The following ACVR2A variants were observed in gnomAD, a reference collection of about 807,000 sequenced individuals.
ACVR2A encodes activin receptor type-2A.
ACVR2A carries 7 observed loss-of-function variants against 61.4 expected under a neutral mutation model. That is an observed-to-expected ratio of 0.11 (90% CI 0.06 to 0.21). The LOEUF (loss-of-function observed/expected upper bound fraction) is 0.21. Among genes scored for constraint, ACVR2A ranks in the 10% least tolerant of loss-of-function variants. The pLI is 1.00. For synonymous variants in ACVR2A, 193 were observed against 208.3 expected, an observed-to-expected ratio of 0.93 and a Z score of 0.63; for missense variants, 322 against 621.7, an observed-to-expected ratio of 0.52 and a Z score of 5.13.
At chr2:147,924,695 G>A (rs1006553004) in intron 9 of ACVR2A, among the ~76,000 whole-genome samples, 3 of 151,878 alleles carry the variant, frequency 2.0e-5, no homozygotes, top group South Asian at 2.1e-4. Flanking sequence ...GTGCTTTCAC[G>A]TGTGTTGATG....
chr2:147,896,620 T>G (rs1686739234), intron 2 of ACVR2A, 112 bp downstream of exon 2: 2 of 1,012,668 alleles, frequency 2.0e-6, no homozygotes, highest in East Asian at 5.1e-5. Flanking sequence ...TTCTTGCTTT[T>G]TAAAAAATGG....
At chr2:147,845,450 T>C (rs1449998920) in intron 1 of ACVR2A, among the ~76,000 whole-genome samples, 1 of 150,648 alleles carries the variant, frequency 6.6e-6, no homozygotes, top group East Asian at 2.0e-4. Flanking sequence ...AGTGCTGTGT[T>C]GTTGTGGAAG....
chr2:147,912,334 T>A (rs936301890), intron 4 of ACVR2A, among the ~76,000 whole-genome samples: 1 of 152,008 alleles, frequency 6.6e-6, no homozygotes, highest in Non-Finnish European at 1.5e-5. Context: ...TTTGAATGCA[T>A]ATCTTTTTAG....
At chr2:147,907,171 C>T (rs150597671) in intron 4 of ACVR2A, among the ~76,000 whole-genome samples, 1 of 152,116 alleles carries the variant, frequency 6.6e-6, no homozygotes, top group East Asian at 1.9e-4. Flanking sequence ...GACATGATCT[C>T]ATTCCTTTTT....
chr2:147,878,752 A>T (rs980977398), intron 1 of ACVR2A, among the ~76,000 whole-genome samples: 1 of 151,984 alleles, frequency 6.6e-6, no homozygotes, highest in Non-Finnish European at 1.5e-5. Context: ...CTACAAAAAA[A>T]TACAAAAAAA....
chr2:147,887,521 C>T (rs1373272374), intron 1 of ACVR2A, among the ~76,000 whole-genome samples: 4 of 152,140 alleles, frequency 2.6e-5, no homozygotes, highest in South Asian at 2.1e-4. Context: ...TAAATAAAGA[C>T]GTGTCAGTTT....
intron 1 of ACVR2A, among the ~76,000 whole-genome samples, chr2:147,859,563 G>A (rs1203104122): frequency 1.3e-5 from 2 of 151,986 alleles, no homozygotes; most frequent in East Asian, 3.9e-4. Context: ...TGAAACTTCA[G>A]TTGTGTGTGT....
chr2:147,902,957 CTT>C (rs1686905582), intron 4 of ACVR2A: 1 of 151,914 alleles, frequency 6.6e-6, no homozygotes, highest in African/African-American at 2.4e-5. Flanking sequence ...CTTAGGGAGA[CTT>C]TTTCTCAAAG....
rs1687437093 is a variant in ACVR2A at position 147,923,628 on chromosome 2, T to G, written c.1216+517T>G. 2.0e-5 allele frequency among the ~76,000 whole-genome samples: 3 copies of G among 152,102 alleles called. No homozygotes were observed. The South Asian group carries it at 6.2e-4, about 32-fold the overall frequency. ...TATTTATTTATTTTTCTGGGTAAAT[T>G]TTCAGACGATATTTCCAGTGTGACA... On this transcript the variant is annotated intron_variant, in intron 9 of 10. Coordinates refer to ENST00000241416, the MANE Select transcript of ACVR2A (RefSeq NM_001616.5).
chr2:147,855,800 T>G (rs1237397631), intron 1 of ACVR2A, among the ~76,000 whole-genome samples: 1 of 152,194 alleles, frequency 6.6e-6, no homozygotes, highest in Non-Finnish European at 1.5e-5. Flanking sequence ...TGAATTTTTG[T>G]AACAAATTTC....
chr2:147,850,911 A>G (rs1397427219), intron 1 of ACVR2A, among the ~76,000 whole-genome samples: 1 of 152,118 alleles, frequency 6.6e-6, no homozygotes, highest in Non-Finnish European at 1.5e-5. Context: ...AGAGTGGTGG[A>G]CCTAAGGGAA....
At chr2:147,919,372 C>T (rs937799934) in intron 7 of ACVR2A, among the ~76,000 whole-genome samples, 12 of 152,142 alleles carry the variant, frequency 7.9e-5, no homozygotes, top group Admixed American at 4.6e-4. Flanking sequence ...CTATTGGCCT[C>T]GTCTTCGATT....
intron 1 of ACVR2A, among the ~76,000 whole-genome samples, chr2:147,855,502 G>A (rs2105137125): frequency 6.6e-6 from 1 of 152,286 alleles, no homozygotes; most frequent in Admixed American, 6.5e-5. Context: ...AAACATACTG[G>A]AAGAGTGTAG....
intron 4 of ACVR2A, among the ~76,000 whole-genome samples, chr2:147,907,021 C>G (rs11686483): frequency 6.6e-6 from 1 of 151,564 alleles, no homozygotes; most frequent in African/African-American, 2.4e-5. Flanking sequence ...CCCCAGTGTA[C>G]GTTGTTCACC....
intron 1 of ACVR2A, among the ~76,000 whole-genome samples, chr2:147,865,858 TGG>T (rs1227733545): frequency 6.6e-6 from 1 of 152,154 alleles, no homozygotes; most frequent in African/African-American, 2.4e-5. Context: ...TAGAGTCCCT[TGG>T]GATAGCAGAA....
chr2:147,862,457 C>T (rs932851352), intron 1 of ACVR2A, among the ~76,000 whole-genome samples: 2 of 152,016 alleles, frequency 1.3e-5, no homozygotes, highest in Non-Finnish European at 1.5e-5. Flanking sequence ...AAATTGTTTT[C>T]CTGGGCAGGG....
intron 6 of ACVR2A, among the ~76,000 whole-genome samples, chr2:147,917,792 G>T (rs957313222): frequency 3.3e-5 from 5 of 151,628 alleles, no homozygotes; most frequent in Non-Finnish European, 7.4e-5. Flanking sequence ...AATCAGTCTT[G>T]CTTGTGACAA....
intron 6 of ACVR2A, among the ~76,000 whole-genome samples, chr2:147,917,852 G>A (rs1251200792): frequency 6.6e-6 from 1 of 151,852 alleles, no homozygotes; most frequent in Non-Finnish European, 1.5e-5. Context: ...CTAACTTGCA[G>A]GGTAATTATC....
At chr2:147,846,304 C>G (rs1452448589) in intron 1 of ACVR2A, among the ~76,000 whole-genome samples, 1 of 150,040 alleles carries the variant, frequency 6.7e-6, no homozygotes. Context: ...GGCGAATTGA[C>G]AGGTTTCATG....
Sources: gnomAD v4.1 joint callset for allele counts (sites outside exome capture counted in the v4.1 genomes callset) on GRCh38, gnomAD v4.1.1 for gene constraint, MANE v1.5 for transcripts, NCBI Gene and HGNC (gene_info 2026-07-23, HGNC 2026-07-21) for gene names.